RBFOX1: variants seen among roughly 807,000 people sequenced by gnomAD.
RBFOX1 encodes the protein RNA binding protein fox-1 homolog 1.
A neutral mutation model predicts 57.7 loss-of-function variants in RBFOX1; 8 were observed. The ratio of observed to expected loss-of-function variants is 0.14; its 90% CI spans 0.08 to 0.25. The LOEUF (loss-of-function observed/expected upper bound fraction) is 0.25. RBFOX1 is among the 10% of genes least tolerant of loss of function. The pLI is 1.00. For missense variants in RBFOX1, 611 were observed against 548.5 expected, an observed-to-expected ratio of 1.11 and a Z score of -1.14; for synonymous variants, 326 against 222.4, an observed-to-expected ratio of 1.47 and a Z score of -4.15.
intron 4 of RBFOX1, among the ~76,000 whole-genome samples, chr16:7,075,018 G>GA (rs1344835366): frequency 2.0e-5 from 3 of 152,068 alleles, no homozygotes; most frequent in South Asian, 2.1e-4. Context: ...AAGAAAAAGA[G>GA]AAAAAAGGGG....
At chr16:7,204,119 G>A (rs1024061694) in intron 4 of RBFOX1, among the ~76,000 whole-genome samples, 12 of 152,142 alleles carry the variant, frequency 7.9e-5, no homozygotes, top group Non-Finnish European at 1.5e-4. Flanking sequence ...GGAAATCCAC[G>A]GCACCCACAG....
Position 6,886,731 on chromosome 16 carries a change from G to C in RBFOX1, c.-15-165326G>C, listed in dbSNP as rs553893933. Among the ~76,000 whole-genome samples, 20 of 149,084 alleles carry C rather than the reference G, an allele frequency of 1.3e-4. No individual in the cohort carries two copies. The East Asian group carries it at 4.1e-3, about 30-fold the overall frequency. The stretch of plus-strand genomic sequence containing the variant: ...GATCGCACCACCGCACTCCAGCGTG[G>C]GCAAGCAAGTGAGACTCTATCTGAA... On this transcript the variant is annotated intron_variant, in intron 3 of 15. Coordinates refer to ENST00000550418, the MANE Select transcript of RBFOX1 (RefSeq NM_018723.4).
chr16:5,971,937 A>G (rs571279703), intron 4 of RBFOX1, among the ~76,000 whole-genome samples: 8 of 152,200 alleles, frequency 5.3e-5, no homozygotes, highest in Non-Finnish European at 1.2e-4. Context: ...GCCTGAACAG[A>G]GCAGAAAAAC....
intron 3 of RBFOX1, among the ~76,000 whole-genome samples, chr16:5,697,372 T>A (rs2050877277): frequency 6.6e-6 from 1 of 151,130 alleles, no homozygotes; most frequent in Admixed American, 6.6e-5. Flanking sequence ...ATATGAATAA[T>A]ATGTAGCATA....
At chr16:5,719,360 C>T (rs374512982) in intron 3 of RBFOX1, among the ~76,000 whole-genome samples, 13 of 148,476 alleles carry the variant, frequency 8.8e-5, no homozygotes, top group African/African-American at 2.9e-4. Flanking sequence ...TGCCACCATG[C>T]CCGGCTAATT....
At chr16:5,786,339 C>T (rs992433625) in intron 3 of RBFOX1, among the ~76,000 whole-genome samples, 3 of 152,088 alleles carry the variant, frequency 2.0e-5, no homozygotes, top group South Asian at 2.1e-4. Context: ...GGGGGCCCTT[C>T]CAGCTGTCCC....
At chr16:6,747,911 G>C (rs930692874) in intron 3 of RBFOX1, among the ~76,000 whole-genome samples, 1 of 152,120 alleles carries the variant, frequency 6.6e-6, no homozygotes, top group Non-Finnish European at 1.5e-5. Context: ...CTGGTGGAAA[G>C]CACAACACGC....
intron 3 of RBFOX1, among the ~76,000 whole-genome samples, chr16:6,807,885 AATAT>A (rs1024824716): frequency 7.9e-6 from 1 of 125,856 alleles, no homozygotes; most frequent in Admixed American, 8.7e-5. Context: ...AGTTCTGTTG[AATAT>A]ATATTATTGT....
intron 15 of RBFOX1, chr16:7,709,447 CTTTT>C (rs75160475): frequency 1.8e-5 from 24 of 1,309,462 alleles, no homozygotes; most frequent in Admixed American, 3.2e-5. Flanking sequence ...CAATGCAGAA[CTTTT>C]TTTTTTCTTT....
chr16:7,501,074 G>A (rs2070665613), intron 4 of RBFOX1, among the ~76,000 whole-genome samples: 3 of 152,168 alleles, frequency 2.0e-5, no homozygotes, highest in Admixed American at 2.0e-4. Flanking sequence ...TGAACTGTGA[G>A]TCAACCTCTT....
chr16:5,428,479 A>G (rs1804028722), intron 1 of RBFOX1, among the ~76,000 whole-genome samples: 1 of 152,172 alleles, frequency 6.6e-6, no homozygotes, highest in Non-Finnish European at 1.5e-5. Flanking sequence ...GCTGAGAGAT[A>G]TGCATTCTAG....
intron 3 of RBFOX1, among the ~76,000 whole-genome samples, chr16:6,757,278 C>T (rs1428793179): frequency 6.6e-6 from 1 of 152,048 alleles, no homozygotes; most frequent in Non-Finnish European, 1.5e-5. Context: ...CCATAAAATC[C>T]AGCAAAATCC....
intron 11 of RBFOX1, among the ~76,000 whole-genome samples, chr16:7,650,632 T>C (rs748873590): frequency 9.9e-5 from 15 of 152,222 alleles, no homozygotes; most frequent in South Asian, 2.1e-4. Context: ...CCAAGAATTA[T>C]TGTAAAAGCT....
chr16:6,422,400 G>C (rs1247282586), intron 2 of RBFOX1, among the ~76,000 whole-genome samples: 4 of 152,022 alleles, frequency 2.6e-5, no homozygotes, highest in Admixed American at 2.6e-4. Context: ...CCTCCTCCCT[G>C]TCTTTCCCCT....
chr16:5,635,113 A>G (rs1248446284), intron 3 of RBFOX1, among the ~76,000 whole-genome samples: 1 of 152,130 alleles, frequency 6.6e-6, no homozygotes, highest in Non-Finnish European at 1.5e-5. Flanking sequence ...GTATCACTGA[A>G]CTACACTGCT....
At chr16:6,866,355 A>G (rs146458330) in intron 3 of RBFOX1, among the ~76,000 whole-genome samples, 44 of 152,122 alleles carry the variant, frequency 2.9e-4, no homozygotes, top group African/African-American at 1.0e-3. Context: ...CAGTGTAATA[A>G]TGGAACTCTG....
intron 1 of RBFOX1, among the ~76,000 whole-genome samples, chr16:6,047,334 C>A (rs541105251): frequency 6.6e-6 from 1 of 152,146 alleles, no homozygotes. Flanking sequence ...GGCAGGATGC[C>A]GTGCATGAGG....
At chr16:6,675,146 C>A (rs999394173) in intron 3 of RBFOX1, among the ~76,000 whole-genome samples, 1 of 152,032 alleles carries the variant, frequency 6.6e-6, no homozygotes, top group African/African-American at 2.4e-5. Flanking sequence ...CCTCGTGATC[C>A]GCCCACCTCG....
chr16:5,671,497 A>G (rs752886429), intron 3 of RBFOX1, among the ~76,000 whole-genome samples: 2 of 152,224 alleles, frequency 1.3e-5, no homozygotes, highest in Non-Finnish European at 2.9e-5. Context: ...GCATTCAGGA[A>G]ATTCAGCCAG....
Sources: gnomAD v4.1 joint callset for allele counts (sites outside exome capture counted in the v4.1 genomes callset) on GRCh38, gnomAD v4.1.1 for gene constraint, MANE v1.5 for transcripts, NCBI Gene and HGNC (gene_info 2026-07-23, HGNC 2026-07-21) for gene names.